Variants in BRI3BP observed in about 807,000 individuals in gnomAD.
BRI3BP encodes BRI3-binding protein.
Under a neutral mutation model 15.8 loss-of-function variants are expected in BRI3BP, and 7 were observed. The ratio of observed to expected loss-of-function variants is 0.44; its 90% confidence interval spans 0.25 to 0.83. BRI3BP has a LOEUF of 0.83. BRI3BP is among the 40% of genes least tolerant of loss of function. The pLI is 0.20. For missense variants in BRI3BP, 320 were observed against 339.3 expected (o/e 0.94, Z 0.45); for synonymous variants, 192 against 163.5 (o/e 1.17, Z -1.33).
intron 1 of BRI3BP, among the ~76,000 whole-genome samples, chr12:124,997,212 C>CCCTTTTTTTT (rs1955048034): frequency 2.9e-5 from 1 of 33,908 alleles, no homozygotes; most frequent in Non-Finnish European, 4.8e-5. Context: ...TGCTTTACTT[C>CCCTTTTTTTT]TCTTTTTTTT....
chr12:125,014,741 G>A (rs561679762), intron 2 of BRI3BP, among the ~76,000 whole-genome samples: 2 of 152,270 alleles, frequency 1.3e-5, no homozygotes, highest in Admixed American at 1.3e-4. Flanking sequence ...CTGCACTCTG[G>A]CCCCAGCTCT....
At chr12:125,006,285 G>A (rs1034928548) in intron 1 of BRI3BP, among the ~76,000 whole-genome samples, 4 of 152,040 alleles carry the variant, frequency 2.6e-5, no homozygotes, top group Non-Finnish European at 5.9e-5. Context: ...AGTGGGTCAG[G>A]GTGTCACACA....
chr12:125,038,523 T>G, the BRI3BP span, among the ~76,000 whole-genome samples: 1 of 152,186 alleles, frequency 6.6e-6, no homozygotes, highest in Non-Finnish European at 1.5e-5. Flanking sequence ...CCCAGCACTT[T>G]GGGAGGCCAA....
In BRI3BP at chr12:125,026,869, T is replaced by G. The variant is rs1342454689; in HGVS notation, c.*1439T>G. 1.3e-5 allele frequency: 2 copies of G among 152,060 alleles called. No individual in the cohort carries two copies. The highest frequency in any genetic ancestry group is 2.9e-5 in the Non-Finnish European group (2 of 68,188). The allele number at this position is 152,060 out of a possible 1,614,324, so 9.4% of individuals were successfully genotyped here. A position where few individuals can be genotyped will look rare whatever the true frequency, so the allele number is the denominator to read the frequency against. On this transcript the variant is annotated 3_prime_UTR_variant, in exon 3 of 3. Transcript: ENST00000341446. The stretch of plus-strand genomic sequence containing the variant: ...CAGGAGGCTGAGGCAGGAGAATTGC[T>G]TGAACCTGGGAGGTGGAGGTTGCGG...
intron 1 of BRI3BP, among the ~76,000 whole-genome samples, chr12:125,008,766 C>T (rs1383304487): frequency 6.6e-6 from 1 of 152,106 alleles, no homozygotes; most frequent in Non-Finnish European, 1.5e-5. Context: ...ATTATCATTA[C>T]ATTGTAATAT....
intron 2 of BRI3BP, among the ~76,000 whole-genome samples, chr12:125,012,967 C>G (rs558601007): frequency 6.6e-6 from 1 of 152,068 alleles, no homozygotes; most frequent in East Asian, 1.9e-4. Flanking sequence ...CCTGTAGTCC[C>G]CATCCACTTG....
chr12:125,032,104 G>C (rs1955410269), downstream of BRI3BP, among the ~76,000 whole-genome samples: 1 of 152,128 alleles, frequency 6.6e-6, no homozygotes, highest in South Asian at 2.1e-4. Flanking sequence ...TAACAGCGTG[G>C]GGTGAGAAGG....
intron 2 of BRI3BP, among the ~76,000 whole-genome samples, chr12:125,015,874 G>A (rs143958387): frequency 2.0e-5 from 3 of 152,270 alleles, no homozygotes; most frequent in South Asian, 2.1e-4. Flanking sequence ...CAGAGTTAAC[G>A]CACCCTCCCC....
rs10572574 is a variant in BRI3BP at position 125,029,360 on chromosome 12, C to CAAAA, written c.*3950_*3953dup. 3 of 78,686 alleles carry CAAAA rather than the reference C, an allele frequency of 3.8e-5. No individual in the cohort carries two copies. The highest frequency in any genetic ancestry group is 4.8e-5 in the African/African-American group (1 of 20,672). The allele number at this position is 78,686 out of a possible 1,614,324, so 4.9% of individuals were successfully genotyped here. A position where few individuals can be genotyped will look rare whatever the true frequency, so the allele number is the denominator to read the frequency against. On this transcript the variant is annotated 3_prime_UTR_variant, in exon 3 of 3. Transcript: ENST00000341446. ...GAAATCCCGTCTCTACCAAAAAATACAAAAAAAAAAAAAAAAAAAAAAATA... is the reference window on the plus strand; with the variant it reads ...GAAATCCCGTCTCTACCAAAAAATACAAAAAAAAAAAAAAAAAAAAAAAAAAATA...
In BRI3BP at chr12:124,996,037, C is replaced by G. The variant is rs1443922506; in HGVS notation, c.213+2034C>G. Among the ~76,000 whole-genome samples, 4 of 152,122 alleles carry G rather than the reference C, an allele frequency of 2.6e-5. No individual in the cohort carries two copies. The East Asian group carries it at 7.7e-4, about 29-fold the overall frequency. On this transcript the variant is annotated intron_variant, in intron 1 of 2. Transcript: ENST00000341446. ...CAAGCGATCTTCCCCACTCACCCTCCCAAGTAGTTGGGATTACAGGTGTCC... is the reference window on the plus strand; with the variant it reads ...CAAGCGATCTTCCCCACTCACCCTCGCAAGTAGTTGGGATTACAGGTGTCC...
chr12:125,014,188 C>A (rs901163699), intron 2 of BRI3BP, among the ~76,000 whole-genome samples: 7 of 152,134 alleles, frequency 4.6e-5, no homozygotes, highest in African/African-American at 1.4e-4. Flanking sequence ...TCCTAGCTGC[C>A]CCCGCTCCAC....
rs35803183 is a variant in BRI3BP, at chr12:125,000,308, ATT to A, written c.213+6327_213+6328del. ...CACAGTTAAGATAAAGTTTCATATG[ATT>A]TTTTTTTTTTTTTTTTTTTTTGAGA... is the stretch of plus-strand genomic sequence containing the variant. On this transcript the variant is annotated intron_variant, in intron 1 of 2. Transcript: ENST00000341446. 1.8e-3 allele frequency among the ~76,000 whole-genome samples: 166 copies of A among 92,044 alleles called. 1 individual carries two copies. Among genetic ancestry groups the A allele is most frequent in the African/African-American group, 4.5e-3 (105 of 23,198 alleles). 60.4% of individuals were successfully genotyped at this position (92,044 alleles called of 152,430 possible).
rs1000476683 is a variant in BRI3BP, at chr12:125,024,716, T to C, written c.317-275T>C. On this transcript the variant is annotated intron_variant, in intron 2 of 2. Coordinates refer to ENST00000341446, the MANE Select transcript of BRI3BP (RefSeq NM_080626.6). ...CCGGAGGCTGAGACAGGAGAATTGC[T>C]TGAACCCAGGAGGCGGAGGTTGTGG... 7.9e-5 allele frequency among the ~76,000 whole-genome samples: 12 copies of C among 152,040 alleles called. 1 individual carries two copies. The highest frequency in any genetic ancestry group is 2.9e-4 in the African/African-American group (12 of 41,394).
intron 1 of BRI3BP, among the ~76,000 whole-genome samples, chr12:124,996,948 A>G (rs760650244): frequency 2.6e-5 from 4 of 151,234 alleles, no homozygotes; most frequent in Non-Finnish European, 5.9e-5. Context: ...TTTAGTAGAG[A>G]TGGGGTTTCA....
At chr12:125,017,270 C>T (rs748418182) in intron 2 of BRI3BP, among the ~76,000 whole-genome samples, 7 of 151,516 alleles carry the variant, frequency 4.6e-5, no homozygotes, top group Non-Finnish European at 8.8e-5. Flanking sequence ...GATCCACCTG[C>T]CTCGGCCTCC....
the BRI3BP span, among the ~76,000 whole-genome samples, chr12:125,049,736 G>A: frequency 6.6e-6 from 1 of 152,366 alleles, no homozygotes; most frequent in Admixed American, 6.5e-5. Context: ...TGGCGCTCAG[G>A]CCGATCTTCC....
At chr12:124,998,164 C>T (rs1955056258) in intron 1 of BRI3BP, among the ~76,000 whole-genome samples, 1 of 149,232 alleles carries the variant, frequency 6.7e-6, no homozygotes, top group Non-Finnish European at 1.5e-5. Flanking sequence ...TGGTGGTGCA[C>T]GACTGTAATC....
the BRI3BP span, among the ~76,000 whole-genome samples, chr12:125,037,207 G>A: frequency 2.0e-5 from 3 of 152,084 alleles, no homozygotes; most frequent in Admixed American, 6.6e-5. Context: ...TTACAGGCAC[G>A]TGCCACACGT....
At chr12:125,014,210 T>C (rs1480195869) in intron 2 of BRI3BP, among the ~76,000 whole-genome samples, 2 of 152,136 alleles carry the variant, frequency 1.3e-5, no homozygotes, top group African/African-American at 2.4e-5. Context: ...GCTCTCCTTC[T>C]GTCCACAAGG....
Sources: allele counts gnomAD v4.1 joint callset (sites outside exome capture counted in the v4.1 genomes callset), GRCh38; gene constraint gnomAD v4.1.1; transcripts MANE v1.5; gene names NCBI Gene and HGNC (gene_info 2026-07-23, HGNC 2026-07-21).